SLC4A5: variants seen among roughly 807,000 people sequenced by gnomAD.
SLC4A5 encodes the protein solute carrier family 4 member 5.
A neutral mutation model predicts 120.4 loss-of-function variants in SLC4A5; 96 were observed. The observed-to-expected ratio is 0.80, with a 90% CI of 0.68 to 0.94. The LOEUF is 0.94. Ranked by LOEUF, SLC4A5 falls within the 40% of genes least tolerant of loss-of-function variation. The pLI is 0.00. For synonymous variants in SLC4A5, 550 were observed against 571.1 expected (o/e 0.96, Z 0.53); for missense variants, 1,259 against 1,459.5 (o/e 0.86, Z 2.24).
intron 19 of SLC4A5, among the ~76,000 whole-genome samples, chr2:74,246,143 G>A (rs1311917509): frequency 6.6e-6 from 1 of 152,182 alleles, no homozygotes; most frequent in African/African-American, 2.4e-5. Flanking sequence ...AGATGCTATG[G>A]GAAGCCCTAA....
At chr2:74,306,917 CA>C (rs1672662059) in intron 6 of SLC4A5, 1 of 621,666 alleles carries the variant, frequency 1.6e-6, no homozygotes, top group African/African-American at 1.8e-5. Flanking sequence ...GCTTGATGTT[CA>C]GCAGGGCCTT....
intron 5 of SLC4A5, among the ~76,000 whole-genome samples, chr2:74,316,595 C>G (rs1672972582): frequency 6.6e-6 from 1 of 152,164 alleles, no homozygotes; most frequent in Non-Finnish European, 1.5e-5. Context: ...AAACTGTAAA[C>G]AAGACCTAAA....
intron 6 of SLC4A5, among the ~76,000 whole-genome samples, chr2:74,312,243 A>ATG (rs111417670): frequency 0.036 from 5,069 of 139,394 alleles, 149 homozygotes; most frequent in African/African-American, 0.085. Flanking sequence ...GTGTGTGTAT[A>ATG]TGTGTGTGTG....
At chr2:74,287,546 C>A (rs989364710) in intron 7 of SLC4A5, among the ~76,000 whole-genome samples, 8 of 152,144 alleles carry the variant, frequency 5.3e-5, no homozygotes, top group African/African-American at 1.9e-4. Flanking sequence ...CACATCCAGG[C>A]CCATGAGCCC....
intron 5 of SLC4A5, among the ~76,000 whole-genome samples, chr2:74,321,777 C>T (rs1205630624): frequency 6.6e-6 from 1 of 151,556 alleles, no homozygotes; most frequent in Non-Finnish European, 1.5e-5. Context: ...ACACAGGGCC[C>T]TTGATTGCCA....
At chr2:74,307,501 G>A in intron 6 of SLC4A5, 1 of 617,818 alleles carries the variant, frequency 1.6e-6, no homozygotes, top group Non-Finnish European at 3.1e-6. Context: ...CGCATGGCCA[G>A]CTCTGTCTCA....
rs1254593794 is a variant in SLC4A5, at chr2:74,293,299, T to C, written c.272-7397A>G. On this transcript the variant is annotated intron_variant, in intron 7 of 30. Coordinates refer to ENST00000394019, the Ensembl canonical transcript of SLC4A5. ...GAGGAGAGAATCTGCTGACTTGCTG[T>C]GTTCACGGGAATCCTTCCTGGGGTG... 7.2e-5 allele frequency among the ~76,000 whole-genome samples: 11 copies of C among 152,276 alleles called. No individual in the cohort carries two copies. In the East Asian group the frequency reaches 2.1e-3, roughly 29 times the overall value.
rs2104131788 is a variant in SLC4A5, at chr2:74,279,479, A to G, written c.401+6294T>C. 1.3e-5 allele frequency among the ~76,000 whole-genome samples: 2 copies of G among 152,018 alleles called. 1 individual carries two copies. Among genetic ancestry groups the G allele is most frequent in the Middle Eastern group, 6.8e-3 (2 of 292 alleles). ...TTCGTGGGTTCCTCTTCCTCTGCCC[A>G]TCCTGCAAATACTGAAGTTCCTAGG... On this transcript the variant is annotated intron_variant, in intron 8 of 30. Transcript: ENST00000394019.
chr2:74,339,170 C>T (rs1485555904), intron 2 of SLC4A5: 1 of 152,178 alleles, frequency 6.6e-6, no homozygotes, highest in Non-Finnish European at 1.5e-5. Flanking sequence ...CTTTGGAAAA[C>T]GATGAACCTT....
exon 15 of SLC4A5, chr2:74,253,071 C>G: frequency 6.2e-7 from 1 of 1,614,178 alleles, no homozygotes; most frequent in Non-Finnish European, 8.5e-7. Context: ...AGAAATTCAT[C>G]AATTCCTGCG....
At chr2:74,307,437 C>A (rs1672678426) in intron 6 of SLC4A5, 1 of 632,302 alleles carries the variant, frequency 1.6e-6, no homozygotes, top group Non-Finnish European at 3.0e-6. Flanking sequence ...CCGAGTGACA[C>A]TGGTGTCATC....
intron 8 of SLC4A5, among the ~76,000 whole-genome samples, chr2:74,281,734 G>A (rs1386493555): frequency 1.2e-4 from 19 of 152,086 alleles, no homozygotes; most frequent in Admixed American, 1.2e-3. Flanking sequence ...AATAACTCCC[G>A]ACAAAGCACT....
exon 8 of SLC4A5, chr2:74,285,781 C>T: frequency 6.2e-7 from 1 of 1,610,822 alleles, no homozygotes; most frequent in Non-Finnish European, 8.5e-7. Flanking sequence ...ACCTGGCTGA[C>T]TCCTTCCACT....
chr2:74,247,169 G>A, exon 19 of SLC4A5: 1 of 1,614,220 alleles, frequency 6.2e-7, no homozygotes. Flanking sequence ...AGCTGATAAG[G>A]GTGGAGAAGC....
intron 8 of SLC4A5, among the ~76,000 whole-genome samples, chr2:74,279,024 C>T (rs111529160): frequency 1.1e-4 from 16 of 152,324 alleles, no homozygotes; most frequent in South Asian, 2.1e-4. Flanking sequence ...TGCCCAGGGC[C>T]GCCTTGCTCC....
intron 8 of SLC4A5, among the ~76,000 whole-genome samples, chr2:74,281,906 A>G (rs1445304286): frequency 6.6e-6 from 1 of 152,162 alleles, no homozygotes; most frequent in Non-Finnish European, 1.5e-5. Context: ...TTGGAGCCTG[A>G]GTGTCTGTGT....
At chr2:74,278,016 T>C (rs570090650) in intron 8 of SLC4A5, among the ~76,000 whole-genome samples, 150 of 152,288 alleles carry the variant, frequency 9.8e-4, no homozygotes, top group Middle Eastern at 3.4e-3. Context: ...CTCTCTACTT[T>C]TTGTGTTTGA....
At chr2:74,232,187 C>A (rs956930003) in intron 24 of SLC4A5, among the ~76,000 whole-genome samples, 5 of 152,060 alleles carry the variant, frequency 3.3e-5, no homozygotes, top group Non-Finnish European at 7.4e-5. Context: ...CTTGTGGGGA[C>A]CTTGGGTGGC....
intron 19 of SLC4A5, among the ~76,000 whole-genome samples, chr2:74,246,542 T>A (rs1424574482): frequency 2.6e-5 from 4 of 152,234 alleles, no homozygotes; most frequent in African/African-American, 9.6e-5. Context: ...ATGGCATGGA[T>A]GACAGAGCCT....
Sources: allele counts gnomAD v4.1 joint callset (sites outside exome capture counted in the v4.1 genomes callset), GRCh38; gene constraint gnomAD v4.1.1; transcripts MANE v1.5; gene names NCBI Gene and HGNC (gene_info 2026-07-23, HGNC 2026-07-21).